The following KLF8 variants were observed in gnomAD, a reference collection of about 807,000 sequenced individuals.
The protein encoded by KLF8 is Krueppel-like factor 8.
Under a neutral mutation model 18.2 loss-of-function variants are expected in KLF8, and 10 were observed. That is an observed-to-expected ratio of 0.55 (90% CI 0.34 to 0.93). The LOEUF (loss-of-function observed/expected upper bound fraction) is 0.93. KLF8 is among the 40% of genes least tolerant of loss of function. The probability of loss-of-function intolerance (pLI) is 0.02; values close to 1 mark genes in which losing one functional copy is unlikely to be tolerated. For missense variants in KLF8, 264 were observed against 277.9 expected (o/e 0.95, Z 0.36); for synonymous variants, 109 against 97.3 (o/e 1.12, Z -0.71).
the KLF8 span, among the ~76,000 whole-genome samples, chrX:56,197,873 C>G: frequency 8.9e-6 from 1 of 111,890 alleles, no homozygotes; most frequent in Non-Finnish European, 1.9e-5. Context: ...AGCAGCACAT[C>G]AAAAAGCTTA....
the KLF8 span, among the ~76,000 whole-genome samples, chrX:56,047,965 G>A: frequency 9.0e-6 from 1 of 111,719 alleles, no homozygotes; most frequent in African/African-American, 3.3e-5. Flanking sequence ...ATTCTAACTG[G>A]TGTGAGATGG....
At chrX:56,108,979 G>T in the KLF8 span, among the ~76,000 whole-genome samples, 1 of 111,403 alleles carries the variant, frequency 9.0e-6, no homozygotes, top group Non-Finnish European at 1.9e-5. Flanking sequence ...TTTAATTTCT[G>T]CATACTTGTA....
At chrX:56,265,155 TCTC>T in intron 2 of KLF8, 22 bp from the exon 3 acceptor site, 2 of 1,162,996 alleles carry the variant, frequency 1.7e-6, no homozygotes, top group Non-Finnish European at 2.3e-6. Flanking sequence ...GACTTATGCA[TCTC>T]TCATTTGTTT....
At chrX:55,916,415 C>A in the KLF8 span, among the ~76,000 whole-genome samples, 1 of 111,832 alleles carries the variant, frequency 8.9e-6, no homozygotes, top group Non-Finnish European at 1.9e-5. Flanking sequence ...TAGTCCTTTC[C>A]TGTAGTGAAT....
the KLF8 span, among the ~76,000 whole-genome samples, chrX:56,063,901 T>G: frequency 0.064 from 7,081 of 109,966 alleles, 313 homozygotes; most frequent in African/African-American, 0.15. Context: ...TTCACCGAGC[T>G]GCAGTAGGCT....
chrX:56,061,650 C>T, the KLF8 span, among the ~76,000 whole-genome samples: 26 of 111,131 alleles, frequency 2.3e-4, no homozygotes, highest in Non-Finnish European at 4.0e-4. Context: ...GTTGATATGG[C>T]GTGGAGAGTT....
the KLF8 span, among the ~76,000 whole-genome samples, chrX:56,158,885 T>C: frequency 1.8e-5 from 2 of 111,561 alleles, no homozygotes; most frequent in Admixed American, 1.9e-4. Context: ...TATTTCCTTC[T>C]CCTGCCTGAT....
upstream of KLF8, among the ~76,000 whole-genome samples, chrX:56,227,827 G>T (rs1229334926): frequency 9.3e-6 from 1 of 107,776 alleles, no homozygotes; most frequent in Non-Finnish European, 1.9e-5. Flanking sequence ...GGTATCTAGG[G>T]TCTAAAATGG....
the KLF8 span, among the ~76,000 whole-genome samples, chrX:55,954,826 A>G: frequency 8.9e-6 from 1 of 112,117 alleles, no homozygotes; most frequent in Admixed American, 9.5e-5. Flanking sequence ...AATATAGTAT[A>G]TCCGTACAAT....
At chrX:55,961,312 G>T in the KLF8 span, 1 of 414,037 alleles carries the variant, frequency 2.4e-6, no homozygotes. Flanking sequence ...GACCTATGTG[G>T]AGATGGGACT....
chrX:56,018,107 G>T, the KLF8 span, among the ~76,000 whole-genome samples: 5 of 111,324 alleles, frequency 4.5e-5, no homozygotes, highest in Admixed American at 4.8e-4. Context: ...TGGCCCTATT[G>T]TGTTATCAAA....
At chrX:56,158,149 C>T in the KLF8 span, among the ~76,000 whole-genome samples, 25 of 111,855 alleles carry the variant, frequency 2.2e-4, no homozygotes, top group Non-Finnish European at 4.1e-4. Flanking sequence ...AATAGGGAAT[C>T]GTTTCCCCAT....
In KLF8 at chrX:56,289,899, G is replaced by C. The variant is rs892524808; in HGVS notation, c.*5405G>C. 1.8e-5 allele frequency among the ~76,000 whole-genome samples: 2 copies of C among 110,965 alleles called. No individual in the cohort carries two copies. The highest frequency in any genetic ancestry group is 6.6e-5 in the African/African-American group (2 of 30,498). On this transcript the variant is annotated 3_prime_UTR_variant, in exon 6 of 6. Coordinates refer to ENST00000468660, the MANE Select transcript of KLF8 (RefSeq NM_007250.5). Reference sequence around the variant, plus strand: ...TGTGATCTGAGTTCCAAGATTCTGGGGTCTATCCTGCCCCCAAAAAGTTTT... The same window carrying C: ...TGTGATCTGAGTTCCAAGATTCTGGCGTCTATCCTGCCCCCAAAAAGTTTT...
chrX:56,229,591 T>C (rs1347350626), upstream of KLF8, among the ~76,000 whole-genome samples: 1 of 111,845 alleles, frequency 8.9e-6, no homozygotes, highest in East Asian at 2.8e-4. Context: ...TTTCTATGTG[T>C]CAAGAGTAAA....
At chrX:56,024,444 G>A in the KLF8 span, among the ~76,000 whole-genome samples, 1 of 111,471 alleles carries the variant, frequency 9.0e-6, no homozygotes, top group Non-Finnish European at 1.9e-5. Context: ...CTGGCCTCAA[G>A]TGATCTGCCC....
chrX:56,019,813 T>G, the KLF8 span, among the ~76,000 whole-genome samples: 12 of 112,052 alleles, frequency 1.1e-4, no homozygotes, highest in Admixed American at 7.6e-4. Flanking sequence ...GAAAGGAATG[T>G]AACACATAGT....
chrX:56,085,172 C>A, the KLF8 span, among the ~76,000 whole-genome samples: 1 of 111,822 alleles, frequency 8.9e-6, no homozygotes. Context: ...TCTATATAGA[C>A]TTTTTCTCCT....
At chrX:56,279,688 T>A (rs1602471668) in intron 5 of KLF8, among the ~76,000 whole-genome samples, 2 of 111,431 alleles carry the variant, frequency 1.8e-5, no homozygotes, top group East Asian at 5.6e-4. Flanking sequence ...TCAACTAGTA[T>A]GTTGCCAGTG....
chrX:55,955,973 C>T, the KLF8 span, among the ~76,000 whole-genome samples: 15 of 111,340 alleles, frequency 1.3e-4, no homozygotes, highest in South Asian at 5.6e-3. Context: ...TCTATTTCTG[C>T]ATCCATTTAG....
Sources: allele counts gnomAD v4.1 joint callset (sites outside exome capture counted in the v4.1 genomes callset), GRCh38; gene constraint gnomAD v4.1.1; transcripts MANE v1.5; gene names NCBI Gene and HGNC (gene_info 2026-07-23, HGNC 2026-07-21).